Variants in KLHL24 observed in about 807,000 individuals in gnomAD.
KLHL24 encodes the protein kelch-like protein 24.
In KLHL24, 29 loss-of-function variants were observed where a neutral mutation model predicts 53.4. The ratio of observed to expected loss-of-function variants is 0.54; its 90% CI spans 0.40 to 0.74. The LOEUF (loss-of-function observed/expected upper bound fraction) is 0.74, where lower values mean the gene tolerates loss of function less well. Ranked by LOEUF, KLHL24 falls within the 30% of genes least tolerant of loss-of-function variation. The probability of loss-of-function intolerance (pLI) is 0.00; values close to 1 mark genes in which losing one functional copy is unlikely to be tolerated. For synonymous variants in KLHL24, 222 were observed against 253.7 expected (o/e 0.88, Z 1.19); for missense variants, 504 against 744.0 (o/e 0.68, Z 3.75).
At chr3:183,647,224 T>C (rs1255313073) in intron 2 of KLHL24, among the ~76,000 whole-genome samples, 1 of 151,658 alleles carries the variant, frequency 6.6e-6, no homozygotes, top group Non-Finnish European at 1.5e-5. Context: ...GAGACCATCC[T>C]GCCCAACATG....
rs931838431 is a variant in KLHL24, at chr3:183,664,596, G to T, written c.1106-325G>T. On this transcript the variant is annotated intron_variant, in intron 4 of 7. Transcript: ENST00000242810. ...CGGTCAATTAAAAAAAAAACCTTTAGAATAATACCATTATTTGCGTGCTTC... is the reference window on the plus strand; with the variant it reads ...CGGTCAATTAAAAAAAAAACCTTTATAATAATACCATTATTTGCGTGCTTC... 2.0e-5 allele frequency among the ~76,000 whole-genome samples: 3 copies of T among 150,944 alleles called. No individual in the cohort carries two copies. The East Asian group carries it at 5.8e-4, about 29-fold the overall frequency.
At chr3:183,662,011 G>A (rs1487364320) in intron 3 of KLHL24, among the ~76,000 whole-genome samples, 1 of 152,116 alleles carries the variant, frequency 6.6e-6, no homozygotes, top group Non-Finnish European at 1.5e-5. Context: ...AAAGTATCTG[G>A]TGCTGTGCTC....
At chr3:183,646,251 G>T (rs922258574) in intron 2 of KLHL24, among the ~76,000 whole-genome samples, 3 of 150,270 alleles carry the variant, frequency 2.0e-5, no homozygotes, top group Non-Finnish European at 4.4e-5. Flanking sequence ...AGTCCCACCC[G>T]CTTGGACAGC....
intron 6 of KLHL24, among the ~76,000 whole-genome samples, chr3:183,671,593 A>G (rs897957026): frequency 6.6e-6 from 1 of 152,224 alleles, no homozygotes; most frequent in African/African-American, 2.4e-5. Context: ...GCTGCTTCCA[A>G]CTGGGTCATT....
Position 183,681,334 on chromosome 3 carries a change from T to C in KLHL24, c.*2048T>C, listed in dbSNP as rs745998893. 3 of 152,338 alleles carry C rather than the reference T, an allele frequency of 2.0e-5. No individual in the cohort carries two copies. The highest frequency in any genetic ancestry group is 6.5e-5 in the Admixed American group (1 of 15,270). 9.4% of individuals were successfully genotyped at this position (152,338 alleles called of 1,614,324 possible). A position where few individuals can be genotyped will look rare whatever the true frequency, so the allele number is the denominator to read the frequency against. On this transcript the variant is annotated 3_prime_UTR_variant, in exon 8 of 8. Coordinates refer to ENST00000242810, the MANE Select transcript of KLHL24 (RefSeq NM_017644.3). ...ACAAATGATAGTTGTTATTTTCATGTGTATTTGTAAGATCATGTCCATTTC... is the reference window on the plus strand; with the variant it reads ...ACAAATGATAGTTGTTATTTTCATGCGTATTTGTAAGATCATGTCCATTTC...
intron 3 of KLHL24, 118 bp downstream of exon 3, chr3:183,651,394 T>C (rs998038604): frequency 2.9e-6 from 2 of 681,298 alleles, no homozygotes; most frequent in African/African-American, 3.6e-5. Flanking sequence ...TGTATATAAT[T>C]TTAGATTTAT....
intron 2 of KLHL24, among the ~76,000 whole-genome samples, chr3:183,645,337 G>C (rs1717065361): frequency 6.6e-6 from 1 of 152,180 alleles, no homozygotes; most frequent in African/African-American, 2.4e-5. Context: ...TTATAAAATG[G>C]TTATTGAGAT....
intron 3 of KLHL24, among the ~76,000 whole-genome samples, chr3:183,653,860 ATCC>A (rs2108806169): frequency 6.6e-6 from 1 of 152,176 alleles, no homozygotes; most frequent in South Asian, 2.1e-4. Flanking sequence ...GCCTAAATAA[ATCC>A]TCCTGTTTCA....
chr3:183,648,904 G>C (rs1321370818), intron 2 of KLHL24, among the ~76,000 whole-genome samples: 1 of 152,106 alleles, frequency 6.6e-6, no homozygotes. Flanking sequence ...TCGGGAGGCT[G>C]AGGTAGCAGA....
intron 3 of KLHL24, among the ~76,000 whole-genome samples, chr3:183,653,090 C>T (rs1351949081): frequency 6.6e-6 from 1 of 152,168 alleles, no homozygotes; most frequent in Admixed American, 6.5e-5. Context: ...TATTTTATAT[C>T]CAATTTTTAA....
intron 7 of KLHL24, among the ~76,000 whole-genome samples, chr3:183,674,299 CTTTCCTTT>C (rs1372761976): frequency 3.4e-5 from 5 of 145,104 alleles, no homozygotes; most frequent in Admixed American, 7.0e-5. Context: ...TTCTTTCTTT[CTTTCCTTT>C]CTTCCTTCCT....
rs1720050244 is a variant in KLHL24 at position 183,663,206 on chromosome 3, T to C, written c.921-252T>C. On this transcript the variant is annotated intron_variant, in intron 3 of 7. Transcript: ENST00000242810. The surrounding 1 kb of genome is among the most constrained non-coding windows in gnomAD (Gnocchi z 4.9). Reference sequence around the variant, plus strand: ...ATAGGATCTTTGGACTTTTTTACAATTTTCAGGTCAAAACCAATAGAAAAA... The same window carrying C: ...ATAGGATCTTTGGACTTTTTTACAACTTTCAGGTCAAAACCAATAGAAAAA... Among the ~76,000 whole-genome samples, 1 of 152,134 alleles carries C rather than the reference T, an allele frequency of 6.6e-6. No individual in the cohort carries two copies. Among genetic ancestry groups the C allele is most frequent in the South Asian group, 2.1e-4 (1 of 4,834 alleles).
chr3:183,678,671 A>C (rs1378965096), intron 7 of KLHL24, among the ~76,000 whole-genome samples: 1 of 151,388 alleles, frequency 6.6e-6, no homozygotes. Flanking sequence ...TCCTCCCCCA[A>C]CTCTGCACCT....
intron 5 of KLHL24, among the ~76,000 whole-genome samples, chr3:183,665,509 G>T (rs2108851171): frequency 6.6e-6 from 1 of 152,316 alleles, no homozygotes; most frequent in East Asian, 1.9e-4. Flanking sequence ...CCAGCACTTT[G>T]GGAGGCTGAG....
intron 1 of KLHL24, among the ~76,000 whole-genome samples, chr3:183,641,894 C>T (rs1437515777): frequency 6.6e-6 from 1 of 152,136 alleles, no homozygotes; most frequent in Non-Finnish European, 1.5e-5. Context: ...CTCTTCCATC[C>T]CTTACCCTTA....
At chr3:183,674,300 T>C (rs28405400) in intron 7 of KLHL24, among the ~76,000 whole-genome samples, 194 of 146,376 alleles carry the variant, frequency 1.3e-3, no homozygotes, top group Middle Eastern at 7.1e-3. Context: ...TCTTTCTTTC[T>C]TTCCTTTCTT....
Position 183,683,813 on chromosome 3 carries a change from T to C in KLHL24, c.*4527T>C, listed in dbSNP as rs1712932156. 1 of 152,644 alleles carries C rather than the reference T, an allele frequency of 6.6e-6. No homozygotes were observed. Among genetic ancestry groups the C allele is most frequent in the African/African-American group, 2.4e-5 (1 of 41,448 alleles). The allele number at this position is 152,644 out of a possible 1,614,324, so 9.5% of individuals were successfully genotyped here. A position where few individuals can be genotyped will look rare whatever the true frequency, so the allele number is the denominator to read the frequency against. On this transcript the variant is annotated 3_prime_UTR_variant, in exon 8 of 8. Coordinates refer to ENST00000242810, the MANE Select transcript of KLHL24 (RefSeq NM_017644.3). ...ATTTCAACTTTTTTTTCAATCTAAA[T>C]GAAGCTTACCTTAGATAAGGTTCAT... is the stretch of plus-strand genomic sequence containing the variant.
At chr3:183,660,470 TA>T (rs1328558952) in intron 3 of KLHL24, among the ~76,000 whole-genome samples, 4 of 152,342 alleles carry the variant, frequency 2.6e-5, no homozygotes, top group African/African-American at 9.6e-5. Flanking sequence ...AGTCTGTTTT[TA>T]CCAGTTAGTA....
intron 3 of KLHL24, among the ~76,000 whole-genome samples, chr3:183,655,169 G>A (rs9812941): frequency 0.31 from 47,877 of 152,060 alleles, 8,025 homozygotes; most frequent in East Asian, 0.48. Flanking sequence ...GAGAAATCCC[G>A]AAAATGCATT....
Sources: gnomAD v4.1 joint callset for allele counts (sites outside exome capture counted in the v4.1 genomes callset) on GRCh38, gnomAD v4.1.1 for gene constraint, Gnocchi (gnomAD v3.1) non-coding constraint, MANE v1.5 for transcripts, NCBI Gene and HGNC (gene_info 2026-07-23, HGNC 2026-07-21) for gene names.